Variants in PPP3CA observed in about 807,000 individuals in gnomAD.
PPP3CA encodes the protein CAM-PRP catalytic subunit.
Under a neutral mutation model 66.5 loss-of-function variants are expected in PPP3CA, and 14 were observed. That is an observed-to-expected ratio of 0.21 (90% CI 0.14 to 0.33). The LOEUF (loss-of-function observed/expected upper bound fraction) is 0.33. PPP3CA is among the 10% of genes least tolerant of loss of function. The pLI, the probability that PPP3CA is intolerant of heterozygous loss-of-function variation, is 1.00. For synonymous variants in PPP3CA, 232 were observed against 226.2 expected (o/e 1.03, Z -0.23); for missense variants, 317 against 639.5 (o/e 0.50, Z 5.44).
At chr4:101,304,112 C>G (rs374633008) in intron 1 of PPP3CA, among the ~76,000 whole-genome samples, 3 of 152,154 alleles carry the variant, frequency 2.0e-5, no homozygotes, top group Admixed American at 6.5e-5. Flanking sequence ...GCAACCAAAT[C>G]TGTTATTATG....
chr4:101,169,161 C>T (rs1347881790), intron 2 of PPP3CA, among the ~76,000 whole-genome samples: 1 of 152,200 alleles, frequency 6.6e-6, no homozygotes, highest in African/African-American at 2.4e-5. Context: ...AACAACCAGC[C>T]TTGCCTGTTC....
chr4:101,079,874 C>A (rs1212665304), intron 8 of PPP3CA, among the ~76,000 whole-genome samples: 1 of 152,046 alleles, frequency 6.6e-6, no homozygotes, highest in African/African-American at 2.4e-5. Context: ...CATGGAGTTT[C>A]AGAAAAAAGG....
intron 1 of PPP3CA, among the ~76,000 whole-genome samples, chr4:101,246,277 C>T (rs1726476825): frequency 6.6e-6 from 1 of 152,132 alleles, no homozygotes; most frequent in Admixed American, 6.6e-5. Flanking sequence ...AGTGAGATAT[C>T]AACTACAATC....
chr4:101,037,003 AG>A (rs139888927), intron 11 of PPP3CA, among the ~76,000 whole-genome samples: 10,966 of 152,230 alleles, frequency 0.072, 529 homozygotes, highest in Non-Finnish European at 0.11. Context: ...TAATTTTAAC[AG>A]GAAAGAGATA....
At chr4:101,093,658 G>A in intron 6 of PPP3CA, 118 bp downstream of exon 6, 1 of 1,025,206 alleles carries the variant, frequency 9.8e-7, no homozygotes, top group Non-Finnish European at 1.3e-6. Context: ...ATGCTAGTGA[G>A]CCTTTCATTT....
At chr4:101,249,211 T>C (rs1726593898) in intron 1 of PPP3CA, among the ~76,000 whole-genome samples, 1 of 151,988 alleles carries the variant, frequency 6.6e-6, no homozygotes, top group Non-Finnish European at 1.5e-5. Context: ...TTGGGGATTT[T>C]AAAATGCTTT....
At chr4:101,220,437 T>G (rs945329635) in intron 1 of PPP3CA, among the ~76,000 whole-genome samples, 4 of 151,768 alleles carry the variant, frequency 2.6e-5, no homozygotes, top group Admixed American at 2.6e-4. Flanking sequence ...CAAACTAAAA[T>G]GTCTCTCAAA....
chr4:101,144,498 A>C (rs1722908568), intron 2 of PPP3CA, among the ~76,000 whole-genome samples: 1 of 152,094 alleles, frequency 6.6e-6, no homozygotes, highest in Admixed American at 6.6e-5. Context: ...TTGTCCTTCA[A>C]AATCTTTATC....
At chr4:101,342,178 AT>A (rs2110342983) in intron 1 of PPP3CA, among the ~76,000 whole-genome samples, 1 of 152,298 alleles carries the variant, frequency 6.6e-6, no homozygotes, top group Non-Finnish European at 1.5e-5. Context: ...CATTAATTAG[AT>A]TCTAGATGTT....
rs573689324 is a variant in PPP3CA, at chr4:101,174,770, G to C, written c.259+21146C>G. Among the ~76,000 whole-genome samples the C allele has an allele frequency of 4.6e-5, 7 of 152,298 alleles. No individual in the cohort carries two copies. The East Asian group carries it at 1.4e-3, about 29-fold the overall frequency. On this transcript the variant is annotated intron_variant, in intron 2 of 13. Coordinates refer to ENST00000394854, the MANE Select transcript of PPP3CA (RefSeq NM_000944.5). The stretch of plus-strand genomic sequence containing the variant: ...ATAGGGAAAGGGAACAAAGCCTGCG[G>C]TAAGATTGTAAAGCCTGGCACTCAC...
intron 10 of PPP3CA, among the ~76,000 whole-genome samples, chr4:101,048,518 A>G (rs1258817137): frequency 1.0e-5 from 1 of 96,580 alleles, no homozygotes; most frequent in Non-Finnish European, 2.4e-5. Flanking sequence ...CCAAAAAAAA[A>G]AAAAAAAAAA....
intron 1 of PPP3CA, among the ~76,000 whole-genome samples, chr4:101,254,993 A>T (rs999379250): frequency 2.7e-5 from 4 of 150,246 alleles, no homozygotes; most frequent in African/African-American, 9.8e-5. Flanking sequence ...AGGATGCCTT[A>T]TCATGACAAT....
At chr4:101,193,749 T>C (rs896623972) in intron 2 of PPP3CA, among the ~76,000 whole-genome samples, 3 of 151,958 alleles carry the variant, frequency 2.0e-5, no homozygotes, top group African/African-American at 4.8e-5. Flanking sequence ...TTCATTGTCT[T>C]ATGAACACTT....
intron 1 of PPP3CA, among the ~76,000 whole-genome samples, chr4:101,276,783 C>T (rs1487843264): frequency 6.6e-6 from 1 of 152,034 alleles, no homozygotes; most frequent in African/African-American, 2.4e-5. Context: ...TCCCATTTAC[C>T]CCTTTACCTC....
At chr4:101,064,680 TA>T (rs1560584455) in intron 8 of PPP3CA, among the ~76,000 whole-genome samples, 1 of 152,092 alleles carries the variant, frequency 6.6e-6, no homozygotes, top group East Asian at 1.9e-4. Flanking sequence ...CCCTCTTTAA[TA>T]TGACATGGCT....
intron 2 of PPP3CA, among the ~76,000 whole-genome samples, chr4:101,189,687 C>CAAAAAAA (rs554383258): frequency 1.4e-5 from 1 of 72,614 alleles, no homozygotes; most frequent in African/African-American, 4.8e-5. Flanking sequence ...TAGTGAACGG[C>CAAAAAAA]AAAAAAAAAA....
intron 1 of PPP3CA, among the ~76,000 whole-genome samples, chr4:101,304,126 TATCA>T (rs1372792077): frequency 2.3e-4 from 35 of 152,322 alleles, no homozygotes; most frequent in African/African-American, 8.2e-4. Context: ...TATTATGCAT[TATCA>T]ATCAAAGTTT....
rs147682203 is a variant in PPP3CA, at chr4:101,344,357, G to C, written c.58+2382C>G. On this transcript the variant is annotated intron_variant, in intron 1 of 13. Coordinates refer to ENST00000394854, the MANE Select transcript of PPP3CA (RefSeq NM_000944.5). ...AATAAAAATCTTATGTATGACAAAA[G>C]GTTGAATCCAACCTTGTATAATGCC... Among the ~76,000 whole-genome samples the C allele has an allele frequency of 6.5e-3, 985 of 152,106 alleles. 12 individuals carry two copies. The highest frequency in any genetic ancestry group is 0.023 in the African/African-American group (934 of 41,492).
intron 3 of PPP3CA, among the ~76,000 whole-genome samples, chr4:101,106,445 GA>G (rs1185507383): frequency 0.018 from 215 of 12,214 alleles, 59 homozygotes; most frequent in African/African-American, 0.044. Flanking sequence ...AAGAAAGAAA[GA>G]AAGAAAGAGA....
Sources: gnomAD v4.1 joint callset for allele counts (sites outside exome capture counted in the v4.1 genomes callset) on GRCh38, gnomAD v4.1.1 for gene constraint, MANE v1.5 for transcripts, NCBI Gene and HGNC (gene_info 2026-07-23, HGNC 2026-07-21) for gene names.